The following SDK1 variants were observed in gnomAD, a reference collection of about 807,000 sequenced individuals.
SDK1 encodes protein sidekick-1.
SDK1 carries 157 observed loss-of-function variants against 245.5 expected under a neutral mutation model. The ratio of observed to expected loss-of-function variants is 0.64; its 90% CI spans 0.56 to 0.73. SDK1 has a LOEUF of 0.73. SDK1 is among the 30% of genes least tolerant of loss of function. The probability of loss-of-function intolerance (pLI) is 0.00; values close to 1 mark genes in which losing one functional copy is unlikely to be tolerated. For missense variants in SDK1, 3,583 were observed against 3,002.3 expected (o/e 1.19, Z -4.52); for synonymous variants, 1,647 against 1,278.5 (o/e 1.29, Z -6.15).
intron 1 of SDK1, among the ~76,000 whole-genome samples, chr7:3,441,389 A>G (rs1780192001): frequency 6.6e-6 from 1 of 151,954 alleles, no homozygotes; most frequent in Non-Finnish European, 1.5e-5. Context: ...TCTCAAAAAA[A>G]CAAAAAACAA....
chr7:3,865,735 A>T (rs114468453), intron 5 of SDK1, among the ~76,000 whole-genome samples: 2,060 of 151,504 alleles, frequency 0.014, 53 homozygotes, highest in African/African-American at 0.048. Flanking sequence ...GGCTGGTCTG[A>T]AACTCCTGGC....
intron 28 of SDK1, among the ~76,000 whole-genome samples, chr7:4,140,891 G>A (rs150908431): frequency 1.8e-4 from 27 of 152,240 alleles, no homozygotes; most frequent in Admixed American, 1.4e-3. Context: ...CGCTTGAGCC[G>A]AGGAGTTCAA....
At chr7:3,418,633 T>G (rs376945113) in intron 1 of SDK1, among the ~76,000 whole-genome samples, 2 of 152,208 alleles carry the variant, frequency 1.3e-5, no homozygotes, top group African/African-American at 2.4e-5. Flanking sequence ...CTTCCTATAA[T>G]GGAACTGGCC....
At chr7:3,717,974 C>A (rs969822546) in intron 4 of SDK1, among the ~76,000 whole-genome samples, 3 of 148,310 alleles carry the variant, frequency 2.0e-5, no homozygotes, top group Admixed American at 1.3e-4. Flanking sequence ...AAAAAAAAAA[C>A]TGTAAACCTT....
In SDK1 at chr7:3,806,311, T is replaced by C. The variant is rs565497908; in HGVS notation, c.714-15139T>C. The stretch of plus-strand genomic sequence containing the variant: ...GTGGATGTCCACATTAGGATGTGGA[T>C]GTCCACATTAGGATGTGGATGTCCA... On this transcript the variant is annotated intron_variant, in intron 4 of 44. Transcript: ENST00000404826. Among the ~76,000 whole-genome samples, 37 of 123,070 alleles carry C rather than the reference T, an allele frequency of 3.0e-4. No individual in the cohort carries two copies. The East Asian group carries it at 4.1e-3, about 13-fold the overall frequency. The allele number at this position is 123,070 out of a possible 152,430, so 80.7% of individuals were successfully genotyped here.
In SDK1 at chr7:3,499,922, T is replaced by C. The variant is rs539804508; in HGVS notation, c.299-119158T>C. On this transcript the variant is annotated intron_variant, in intron 1 of 44. Coordinates refer to ENST00000404826, the MANE Select transcript of SDK1 (RefSeq NM_152744.4). ...CTATGAGTAGATCAAAGTGGGCCAT[T>C]ATAGGGTGAAAGGAATGTCCTCAGC... 5.4e-4 allele frequency among the ~76,000 whole-genome samples: 82 copies of C among 152,230 alleles called. 1 individual carries two copies. Among genetic ancestry groups the C allele is most frequent in the African/African-American group, 1.9e-3 (77 of 41,532 alleles).
intron 1 of SDK1, among the ~76,000 whole-genome samples, chr7:3,605,387 C>G (rs1781389515): frequency 6.6e-6 from 1 of 152,158 alleles, no homozygotes; most frequent in South Asian, 2.1e-4. Context: ...GAAAAATATT[C>G]TCAAGGAAAA....
At chr7:4,082,620 A>C (rs997826696) in intron 22 of SDK1, among the ~76,000 whole-genome samples, 1 of 152,068 alleles carries the variant, frequency 6.6e-6, no homozygotes, top group African/African-American at 2.4e-5. Context: ...ACACCTGATA[A>C]AATTATTATT....
intron 16 of SDK1, among the ~76,000 whole-genome samples, chr7:4,014,328 G>A (rs1228619644): frequency 6.6e-6 from 1 of 152,240 alleles, no homozygotes; most frequent in Non-Finnish European, 1.5e-5. Context: ...GATGGGGTCA[G>A]TAGAGTTGGG....
At chr7:3,367,215 T>G (rs1781116161) in intron 1 of SDK1, among the ~76,000 whole-genome samples, 1 of 152,072 alleles carries the variant, frequency 6.6e-6, no homozygotes, top group Admixed American at 6.6e-5. Context: ...GAATGTATCT[T>G]TTTTATATTT....
chr7:3,572,493 A>G (rs1054588676), intron 1 of SDK1, among the ~76,000 whole-genome samples: 1 of 152,048 alleles, frequency 6.6e-6, no homozygotes, highest in Non-Finnish European at 1.5e-5. Context: ...ATGAATGACC[A>G]CAGAGGAGAT....
intron 5 of SDK1, among the ~76,000 whole-genome samples, chr7:3,867,796 G>A (rs571703255): frequency 6.6e-6 from 1 of 152,188 alleles, no homozygotes; most frequent in Non-Finnish European, 1.5e-5. Flanking sequence ...TAGTGTGCTT[G>A]TTTCTTAAAT....
At chr7:4,018,526 T>G (rs1786602617) in intron 17 of SDK1, among the ~76,000 whole-genome samples, 1 of 152,240 alleles carries the variant, frequency 6.6e-6, no homozygotes, top group Non-Finnish European at 1.5e-5. Context: ...GGAAAATGGC[T>G]GAAAACCTGG....
chr7:4,087,007 C>T (rs1781465089), intron 22 of SDK1, among the ~76,000 whole-genome samples: 1 of 143,312 alleles, frequency 7.0e-6, no homozygotes, highest in African/African-American at 2.7e-5. Context: ...CCAGCAGCAA[C>T]ATGTATATAT....
At chr7:3,590,879 C>G (rs1780848214) in intron 1 of SDK1, among the ~76,000 whole-genome samples, 2 of 150,920 alleles carry the variant, frequency 1.3e-5, no homozygotes, top group Non-Finnish European at 2.9e-5. Context: ...ACCTCCCAGG[C>G]TCAAGCGATC....
chr7:3,748,209 A>T (rs1360864940), intron 4 of SDK1, among the ~76,000 whole-genome samples: 1 of 152,208 alleles, frequency 6.6e-6, no homozygotes. Context: ...AAAAGGAAAA[A>T]TGATGTATCT....
intron 38 of SDK1, among the ~76,000 whole-genome samples, chr7:4,214,959 C>T (rs1164203620): frequency 6.6e-6 from 1 of 152,206 alleles, no homozygotes; most frequent in Non-Finnish European, 1.5e-5. Flanking sequence ...GCTTCTCCCT[C>T]GGGCAGGACT....
chr7:3,386,243 A>C (rs1781607230), intron 1 of SDK1, among the ~76,000 whole-genome samples: 1 of 152,202 alleles, frequency 6.6e-6, no homozygotes, highest in Non-Finnish European at 1.5e-5. Context: ...AAGATGTGCA[A>C]GATTTGGTTT....
intron 19 of SDK1, among the ~76,000 whole-genome samples, chr7:4,062,501 G>A (rs989154850): frequency 1.1e-4 from 16 of 152,106 alleles, no homozygotes; most frequent in African/African-American, 3.9e-4. Context: ...GGGCCAAGTG[G>A]TTTCACTGAC....
Sources: allele counts gnomAD v4.1 joint callset (sites outside exome capture counted in the v4.1 genomes callset), GRCh38; gene constraint gnomAD v4.1.1; transcripts MANE v1.5; gene names NCBI Gene and HGNC (gene_info 2026-07-23, HGNC 2026-07-21).